Variants in ZPBP observed in about 807,000 individuals in gnomAD.
ZPBP encodes the protein zona pellucida-binding protein 1.
A neutral mutation model predicts 44.8 loss-of-function variants in ZPBP; 26 were observed. That is an observed-to-expected ratio of 0.58 (90% CI 0.43 to 0.81). The LOEUF (loss-of-function observed/expected upper bound fraction) is 0.81. ZPBP is among the 30% of genes least tolerant of loss of function. The pLI is 0.00. For synonymous variants in ZPBP, 174 were observed against 153.2 expected, an observed-to-expected ratio of 1.14 and a Z score of -1.00; for missense variants, 409 against 434.0, an observed-to-expected ratio of 0.94 and a Z score of 0.51.
At chr7:49,932,976 C>T (rs1794498294), downstream of ZPBP, among the ~76,000 whole-genome samples, 1 of 152,152 alleles carries the variant, frequency 6.6e-6, no homozygotes, top group Non-Finnish European at 1.5e-5. Context: ...GAGGCTTCCT[C>T]AGCCATGTGG....
intron 1 of ZPBP, among the ~76,000 whole-genome samples, chr7:49,906,111 G>A (rs537980908): frequency 1.5e-4 from 23 of 152,210 alleles, no homozygotes; most frequent in Non-Finnish European, 2.9e-4. Context: ...CTTTGTCTAC[G>A]GAGTAGCCAT....
chr7:49,865,604 C>T (rs1001326225), intron 2 of ZPBP, among the ~76,000 whole-genome samples: 8 of 152,204 alleles, frequency 5.3e-5, no homozygotes, highest in Non-Finnish European at 1.2e-4. Context: ...AGAGGGCAAA[C>T]TCCAATATGC....
chr7:49,926,732 T>A (rs1416156011), intron 1 of ZPBP, among the ~76,000 whole-genome samples: 1 of 152,132 alleles, frequency 6.6e-6, no homozygotes, highest in Non-Finnish European at 1.5e-5. Flanking sequence ...AGAGATGTAT[T>A]ATAGTTTAAA....
chr7:49,848,995 C>T (rs977948011), downstream of ZPBP, among the ~76,000 whole-genome samples: 1 of 152,184 alleles, frequency 6.6e-6, no homozygotes, highest in African/African-American at 2.4e-5. Flanking sequence ...ATTATATCTG[C>T]TCAATACAGT....
At position 50,014,196 on chromosome 7, in the gene ZPBP, C is replaced by T. The variant is rs1452166766; in HGVS notation, c.783+4044G>A. Among the ~76,000 whole-genome samples the T allele has an allele frequency of 3.9e-5, 6 of 151,960 alleles. No individual in the cohort carries two copies. The East Asian group carries it at 1.2e-3, about 29-fold the overall frequency. On this transcript the variant is annotated intron_variant, in intron 6 of 7. Coordinates refer to ENST00000046087, the MANE Select transcript of ZPBP (RefSeq NM_007009.3). ...AAATGGCACTTCTCACCAAATTGAT[C>T]ATTTCAAGGAAACTCCAATCCTAAC...
intron 7 of ZPBP, among the ~76,000 whole-genome samples, chr7:49,964,578 T>A (rs1161622228): frequency 2.0e-5 from 3 of 152,036 alleles, no homozygotes; most frequent in African/African-American, 7.2e-5. Flanking sequence ...GAGAGAAACT[T>A]AAGAAGCCCT....
intron 4 of ZPBP, among the ~76,000 whole-genome samples, chr7:50,045,086 A>G (rs1298635244): frequency 6.6e-6 from 1 of 152,246 alleles, no homozygotes; most frequent in African/African-American, 2.4e-5. Context: ...AAGGTCTTTG[A>G]TAAAATACAA....
At chr7:49,981,681 ATAATAATATATATAATTATAT>A (rs1796975144) in intron 7 of ZPBP, among the ~76,000 whole-genome samples, 1 of 40,582 alleles carries the variant, frequency 2.5e-5, no homozygotes, top group Non-Finnish European at 3.6e-5. Flanking sequence ...TATATTATAT[ATAATAATATATATAATTATAT>A]ATAATATATT....
chr7:49,941,500 A>T (rs1794882999), intron 7 of ZPBP, among the ~76,000 whole-genome samples: 1 of 152,194 alleles, frequency 6.6e-6, no homozygotes, highest in Non-Finnish European at 1.5e-5. Flanking sequence ...GTGTACATTA[A>T]CAATAAACAA....
intron 2 of ZPBP, among the ~76,000 whole-genome samples, chr7:49,863,426 C>T (rs948042515): frequency 2.6e-5 from 4 of 151,932 alleles, no homozygotes; most frequent in Non-Finnish European, 5.9e-5. Context: ...TTCTCTCTCC[C>T]TTTTTTTCTT....
intron 7 of ZPBP, among the ~76,000 whole-genome samples, chr7:49,969,163 T>C (rs889742377): frequency 4.7e-5 from 7 of 149,238 alleles, no homozygotes; most frequent in African/African-American, 1.5e-4. Context: ...TACATATTTT[T>C]ATACATACAT....
At chr7:49,891,899 A>G (rs893106154) in intron 2 of ZPBP, among the ~76,000 whole-genome samples, 1 of 152,244 alleles carries the variant, frequency 6.6e-6, no homozygotes, top group African/African-American at 2.4e-5. Flanking sequence ...GTAAATATCT[A>G]TCAAGAGTAG....
chr7:50,064,086 C>A (rs894156844), intron 3 of ZPBP, among the ~76,000 whole-genome samples: 1 of 152,142 alleles, frequency 6.6e-6, no homozygotes, highest in Admixed American at 6.5e-5. Context: ...TGTCAGCCAG[C>A]TTGAGAAATA....
At chr7:49,934,285 G>A (rs1467623313), downstream of ZPBP, among the ~76,000 whole-genome samples, 1 of 152,070 alleles carries the variant, frequency 6.6e-6, no homozygotes, top group African/African-American at 2.4e-5. Flanking sequence ...AAACAAACTT[G>A]GTGCTTTTTT....
At chr7:49,851,412 A>G (rs1329575034) in intron 2 of ZPBP, among the ~76,000 whole-genome samples, 1 of 152,236 alleles carries the variant, frequency 6.6e-6, no homozygotes, top group East Asian at 1.9e-4. Flanking sequence ...AGCCTGGCTC[A>G]TAGCAGACGG....
intron 2 of ZPBP, among the ~76,000 whole-genome samples, chr7:49,872,582 C>T (rs1038632657): frequency 2.0e-5 from 3 of 151,476 alleles, no homozygotes; most frequent in Non-Finnish European, 2.9e-5. Context: ...CCATATATTT[C>T]CACAATAAGA....
chr7:50,072,908 C>T (rs927577739), intron 3 of ZPBP, among the ~76,000 whole-genome samples: 3 of 152,120 alleles, frequency 2.0e-5, no homozygotes, highest in Admixed American at 6.5e-5. Flanking sequence ...CACCCAAGGG[C>T]TTTCAAATAT....
At chr7:49,953,452 A>G (rs1795438712) in intron 7 of ZPBP, among the ~76,000 whole-genome samples, 2 of 152,116 alleles carry the variant, frequency 1.3e-5, no homozygotes, top group African/African-American at 4.8e-5. Context: ...TCAAAATTCA[A>G]AAGGCACTGG....
At chr7:50,053,549 G>A (rs1326989797) in intron 4 of ZPBP, among the ~76,000 whole-genome samples, 1 of 152,176 alleles carries the variant, frequency 6.6e-6, no homozygotes, top group Admixed American at 6.5e-5. Context: ...TGTTGGAGAC[G>A]AAGAAGGAAT....
Sources: allele counts gnomAD v4.1 joint callset (sites outside exome capture counted in the v4.1 genomes callset), GRCh38; gene constraint gnomAD v4.1.1; transcripts MANE v1.5; gene names NCBI Gene and HGNC (gene_info 2026-07-23, HGNC 2026-07-21).